The following NRXN3 variants were observed in gnomAD, a reference collection of about 807,000 sequenced individuals.
The protein encoded by NRXN3 is neurexin III.
Under a neutral mutation model 137.6 loss-of-function variants are expected in NRXN3, and 32 were observed. The ratio of observed to expected loss-of-function variants is 0.23; its 90% CI spans 0.18 to 0.31. NRXN3 has a LOEUF of 0.31. Ranked by LOEUF, NRXN3 falls within the 10% of genes least tolerant of loss-of-function variation. The pLI, the probability that NRXN3 is intolerant of heterozygous loss-of-function variation, is 1.00. For synonymous variants in NRXN3, 798 were observed against 784.5 expected (o/e 1.02, Z -0.29); for missense variants, 1,574 against 2,062.5 (o/e 0.76, Z 4.59).
At chr14:78,323,268 G>A (rs776864797) in intron 4 of NRXN3, among the ~76,000 whole-genome samples, 1 of 151,964 alleles carries the variant, frequency 6.6e-6, no homozygotes, top group Non-Finnish European at 1.5e-5. Context: ...TTGAGATTGG[G>A]GCAGAGGAGG....
chr14:78,998,792 C>T (rs866353590), intron 15 of NRXN3, among the ~76,000 whole-genome samples: 4 of 138,828 alleles, frequency 2.9e-5, no homozygotes, highest in East Asian at 2.1e-4. Context: ...TCAGTAGAGA[C>T]GGGGTTTCAC....
chr14:79,727,663 C>T (rs8021767), intron 19 of NRXN3, among the ~76,000 whole-genome samples: 24,165 of 152,062 alleles, frequency 0.16, 2,083 homozygotes, highest in Middle Eastern at 0.2. Context: ...TTCCCAATGT[C>T]TCATTTCTCT....
At chr14:79,662,814 C>T (rs2098540403) in intron 16 of NRXN3, among the ~76,000 whole-genome samples, 1 of 152,002 alleles carries the variant, frequency 6.6e-6, no homozygotes, top group African/African-American at 2.4e-5. Context: ...AACTCACTCA[C>T]TATCACGAGA....
intron 1 of NRXN3, among the ~76,000 whole-genome samples, chr14:78,189,015 C>G (rs932140646): frequency 6.6e-6 from 1 of 152,140 alleles, no homozygotes; most frequent in Non-Finnish European, 1.5e-5. Context: ...CTGCCCCAAT[C>G]TGCTCCTCCC....
At chr14:79,044,891 C>A (rs1165038779) in intron 15 of NRXN3, among the ~76,000 whole-genome samples, 1 of 149,570 alleles carries the variant, frequency 6.7e-6, no homozygotes, top group Non-Finnish European at 1.5e-5. Context: ...CAGTTTTTTC[C>A]TTCTAGAACT....
At chr14:79,746,553 C>T (rs557272228) in intron 19 of NRXN3, among the ~76,000 whole-genome samples, 42 of 152,058 alleles carry the variant, frequency 2.8e-4, no homozygotes, top group African/African-American at 9.7e-4. Context: ...AAAATACATA[C>T]TTTTTCAATC....
chr14:79,844,891 T>G (rs2099363871), intron 20 of NRXN3, among the ~76,000 whole-genome samples: 1 of 152,220 alleles, frequency 6.6e-6, no homozygotes, highest in South Asian at 2.1e-4. Context: ...AGATGGCATC[T>G]TTTTCCAATA....
chr14:79,862,150 C>CT lies in NRXN3; in HGVS notation c.*187dup. The CT allele has an allele frequency of 1.7e-6, 1 of 586,750 alleles. No homozygotes were observed. The highest frequency in any genetic ancestry group is 3.0e-6 in the Non-Finnish European group (1 of 333,866). 36.3% of individuals were successfully genotyped at this position (586,750 alleles called of 1,614,324 possible). On this transcript the variant is annotated 3_prime_UTR_variant, in exon 21 of 21. Coordinates refer to ENST00000335750, the MANE Select transcript of NRXN3 (RefSeq NM_001330195.2). ...CACACACACAGCGATGCATCTCTCT[C>CT]TAAAGCTCAGCCACGGCTGCGGCAA...
chr14:79,253,012 A>T lies in NRXN3; in HGVS notation c.3263-214209A>T, dbSNP rs111898323. On this transcript the variant is annotated intron_variant, in intron 15 of 20. Transcript: ENST00000335750. ...AGAAGGAGAGAAAATGGGGTTCTTC[A>T]TGGAAACTTGCCATGGATGAAGGTA... 6.8e-3 allele frequency among the ~76,000 whole-genome samples: 1,037 copies of T among 152,320 alleles called. 14 individuals are homozygous for T. The highest frequency in any genetic ancestry group is 0.024 in the African/African-American group (980 of 41,576).
intron 15 of NRXN3, among the ~76,000 whole-genome samples, chr14:79,283,700 G>A (rs1214987401): frequency 6.6e-6 from 1 of 151,544 alleles, no homozygotes; most frequent in East Asian, 1.9e-4. Flanking sequence ...TGGGAATCTA[G>A]TAGGCTCTTC....
At chr14:79,693,378 G>A (rs990347941) in intron 18 of NRXN3, among the ~76,000 whole-genome samples, 10 of 151,888 alleles carry the variant, frequency 6.6e-5, no homozygotes, top group Non-Finnish European at 1.3e-4. Flanking sequence ...AAATCCTCAC[G>A]GAGTGTTAAC....
chr14:78,731,042 T>G (rs937217146), intron 8 of NRXN3, among the ~76,000 whole-genome samples: 1 of 152,202 alleles, frequency 6.6e-6, no homozygotes, highest in African/African-American at 2.4e-5. Context: ...TCACCTTCCT[T>G]CTTTTCTTGC....
chr14:79,818,202 C>T (rs1156450277), intron 20 of NRXN3, among the ~76,000 whole-genome samples: 1 of 151,870 alleles, frequency 6.6e-6, no homozygotes, highest in African/African-American at 2.4e-5. Flanking sequence ...TACAGGTGCC[C>T]GCCACCACGC....
chr14:79,813,703 T>A (rs2099242790), intron 20 of NRXN3, among the ~76,000 whole-genome samples: 1 of 152,202 alleles, frequency 6.6e-6, no homozygotes, highest in Non-Finnish European at 1.5e-5. Context: ...GTTTTCCTCT[T>A]CCTCCTTCTA....
rs76438870 is a variant in NRXN3, at chr14:79,810,999, T to G, written c.4093+5809T>G. 3.3e-4 allele frequency among the ~76,000 whole-genome samples: 50 copies of G among 152,348 alleles called. No homozygotes were observed. In the East Asian group the frequency reaches 9.3e-3, roughly 28 times the overall value. On this transcript the variant is annotated intron_variant, in intron 20 of 20. Coordinates refer to ENST00000335750, the MANE Select transcript of NRXN3 (RefSeq NM_001330195.2). ...AGTTTGAAGTTAGCAACCTGTATGT[T>G]TTTATTACAAATAAGTCAATTTTAT... is the stretch of plus-strand genomic sequence containing the variant.
At chr14:78,212,164 T>G (rs1414904145) in intron 1 of NRXN3, among the ~76,000 whole-genome samples, 1 of 152,212 alleles carries the variant, frequency 6.6e-6, no homozygotes, top group Non-Finnish European at 1.5e-5. Context: ...AGATGGTCAT[T>G]CATATCTGTT....
intron 4 of NRXN3, among the ~76,000 whole-genome samples, chr14:78,525,628 C>A (rs531090362): frequency 6.6e-6 from 1 of 152,296 alleles, no homozygotes; most frequent in African/African-American, 2.4e-5. Context: ...GCCATAATCA[C>A]TTCATCCCAT....
At chr14:79,284,945 A>G (rs975385892) in intron 15 of NRXN3, among the ~76,000 whole-genome samples, 1 of 152,160 alleles carries the variant, frequency 6.6e-6, no homozygotes, top group Non-Finnish European at 1.5e-5. Flanking sequence ...TTGGTGATGA[A>G]TTAATTAGAT....
chr14:78,435,937 A>G (rs891515814), intron 4 of NRXN3, among the ~76,000 whole-genome samples: 2 of 152,210 alleles, frequency 1.3e-5, no homozygotes, highest in African/African-American at 4.8e-5. Flanking sequence ...GGAGAATTGC[A>G]AATCTTAGAA....
Sources: gnomAD v4.1 joint callset for allele counts (sites outside exome capture counted in the v4.1 genomes callset) on GRCh38, gnomAD v4.1.1 for gene constraint, MANE v1.5 for transcripts, NCBI Gene and HGNC (gene_info 2026-07-23, HGNC 2026-07-21) for gene names.